Variants in SERPINA12 observed in about 807,000 individuals in gnomAD.
The protein encoded by SERPINA12 is serpin A12.
SERPINA12 carries 21 observed loss-of-function variants against 25.9 expected under a neutral mutation model. The ratio of observed to expected loss-of-function variants is 0.81; its 90% CI spans 0.58 to 1.17. The LOEUF (loss-of-function observed/expected upper bound fraction) is 1.17, where lower values mean the gene tolerates loss of function less well. Ranked by LOEUF, SERPINA12 falls within the 50% of genes most tolerant of loss-of-function variation. The pLI, the probability that SERPINA12 is intolerant of heterozygous loss-of-function variation, is 0.00. For synonymous variants in SERPINA12, 220 were observed against 196.0 expected (o/e 1.12, Z -1.02); for missense variants, 562 against 508.3 (o/e 1.11, Z -1.02).
intron 3 of SERPINA12, among the ~76,000 whole-genome samples, chr14:94,495,187 G>A (rs1207067589): frequency 6.9e-6 from 1 of 144,662 alleles, no homozygotes; most frequent in East Asian, 2.1e-4. Flanking sequence ...TCCTGCCTCA[G>A]CCTCCCAAGT....
upstream of SERPINA12, among the ~76,000 whole-genome samples, chr14:94,511,039 AAAT>A (rs1364690730): frequency 2.0e-5 from 3 of 152,294 alleles, no homozygotes; most frequent in South Asian, 6.2e-4. Flanking sequence ...AATCACCGCT[AAAT>A]AACTTAATCC....
chr14:94,495,931 T>C (rs1900397802), intron 3 of SERPINA12, among the ~76,000 whole-genome samples: 2 of 152,246 alleles, frequency 1.3e-5, no homozygotes, highest in South Asian at 2.1e-4. Flanking sequence ...TCAACTATTA[T>C]TTGTATAACT....
At chr14:94,508,477 G>C (rs1395307550) in intron 1 of SERPINA12, among the ~76,000 whole-genome samples, 2 of 152,034 alleles carry the variant, frequency 1.3e-5, no homozygotes, top group East Asian at 3.8e-4. Context: ...TCGAGAAAAG[G>C]TGAACAATTC....
intron 1 of SERPINA12, among the ~76,000 whole-genome samples, chr14:94,507,975 A>G (rs960347793): frequency 6.6e-6 from 1 of 152,232 alleles, no homozygotes; most frequent in African/African-American, 2.4e-5. Context: ...AGAGAGAGAA[A>G]GAGATTCCTG....
chr14:94,495,131 G>C (rs1056742110), intron 3 of SERPINA12, among the ~76,000 whole-genome samples: 3 of 145,100 alleles, frequency 2.1e-5, no homozygotes, highest in Non-Finnish European at 3.0e-5. Context: ...TGCAGTGGCG[G>C]GATCTCGGCT....
At chr14:94,490,320 C>G (rs147364924) in intron 3 of SERPINA12, among the ~76,000 whole-genome samples, 1 of 152,128 alleles carries the variant, frequency 6.6e-6, no homozygotes, top group East Asian at 1.9e-4. Flanking sequence ...ACAGTTGGTG[C>G]GTAGCAGGTG....
chr14:94,498,488 G>C, intron 1 of SERPINA12, 58 bp from the exon 2 acceptor site: 2 of 1,375,122 alleles, frequency 1.5e-6, no homozygotes, highest in Non-Finnish European at 1.0e-6. Context: ...TTACCCAGAG[G>C]AAGACCAGAT....
chr14:94,493,411 C>T (rs1282113873), intron 3 of SERPINA12, among the ~76,000 whole-genome samples: 1 of 152,180 alleles, frequency 6.6e-6, no homozygotes, highest in Non-Finnish European at 1.5e-5. Context: ...GTGAGAGGAA[C>T]CTTCCTTTCT....
chr14:94,487,748 G>A (rs1595681460), intron 4 of SERPINA12, among the ~76,000 whole-genome samples: 1 of 152,300 alleles, frequency 6.6e-6, no homozygotes, highest in East Asian at 1.9e-4. Context: ...GAGAGATGGA[G>A]TGGGGTTTGC....
Position 94,509,445 on chromosome 14 carries a change from A to G in SERPINA12, c.-137T>C, listed in dbSNP as rs1450929152. ...AGTCCTTTTTCGGTCCTGGTCCTGC[A>G]GCCTTCAGGTTCCAGGTATGTTCCT... On this transcript the variant is annotated 5_prime_UTR_variant, in exon 1 of 5. Transcript: ENST00000677451. Among the ~76,000 whole-genome samples the G allele has an allele frequency of 6.6e-6, 1 of 152,030 alleles. No homozygotes were observed. The highest frequency in any genetic ancestry group is 1.5e-5 in the Non-Finnish European group (1 of 67,996).
At chr14:94,494,213 C>T (rs887236979) in intron 3 of SERPINA12, among the ~76,000 whole-genome samples, 2 of 152,208 alleles carry the variant, frequency 1.3e-5, no homozygotes, top group African/African-American at 4.8e-5. Context: ...ATGTTCTACA[C>T]CCCCCAGTTC....
At chr14:94,490,704 C>T (rs1900141811) in intron 3 of SERPINA12, among the ~76,000 whole-genome samples, 1 of 152,150 alleles carries the variant, frequency 6.6e-6, no homozygotes, top group Admixed American at 6.5e-5. Context: ...CCACAATTGC[C>T]TCAGTCCACT....
chr14:94,516,956 C>T (rs930335917), intron 1 of SERPINA12, among the ~76,000 whole-genome samples: 2 of 31,914 alleles, frequency 6.3e-5, no homozygotes, highest in East Asian at 3.6e-4. Context: ...AGCTATTGCA[C>T]ACACACACAC....
chr14:94,498,638 T>A (rs1011407340), intron 1 of SERPINA12, among the ~76,000 whole-genome samples: 1 of 152,244 alleles, frequency 6.6e-6, no homozygotes, highest in African/African-American at 2.4e-5. Context: ...GGACTGAATG[T>A]AGAAGACAAC....
At chr14:94,512,160 G>A (rs933062985), upstream of SERPINA12, among the ~76,000 whole-genome samples, 12 of 152,198 alleles carry the variant, frequency 7.9e-5, no homozygotes, top group African/African-American at 2.9e-4. Flanking sequence ...TTGCACCCAC[G>A]AGAGGCAGAT....
chr14:94,493,690 T>G (rs771781607), intron 3 of SERPINA12, among the ~76,000 whole-genome samples: 68 of 152,182 alleles, frequency 4.5e-4, no homozygotes, highest in Non-Finnish European at 7.1e-4. Context: ...ACACTTGGAC[T>G]TCACAAGACG....
intron 3 of SERPINA12, among the ~76,000 whole-genome samples, chr14:94,492,318 G>T (rs184749165): frequency 2.4e-4 from 37 of 152,302 alleles, no homozygotes; most frequent in Admixed American, 1.6e-3. Flanking sequence ...CAAAGGGGGA[G>T]TGACGAAATG....
intron 1 of SERPINA12, chr14:94,500,902 A>G: frequency 1.0e-6 from 1 of 985,090 alleles, no homozygotes; most frequent in Non-Finnish European, 1.2e-6. Flanking sequence ...CGCCAGGACT[A>G]CTAAGTAGGC....
rs564338514 is a variant in SERPINA12, at chr14:94,501,693, C to G, written c.-33-3263G>C. ...CCCCCCACCCCCGCCCCAAGGGACA[C>G]AGCCCACACCCTGGCCTGGTGGGGT... On this transcript the variant is annotated intron_variant, in intron 1 of 4. Coordinates refer to ENST00000677451, the MANE Select transcript of SERPINA12 (RefSeq NM_001382267.1). Among the ~76,000 whole-genome samples, 133 of 116,610 alleles carry G rather than the reference C, an allele frequency of 1.1e-3. 2 individuals carry two copies. Among genetic ancestry groups the G allele is most frequent in the Non-Finnish European group, 9.8e-4 (54 of 55,216 alleles). The allele number at this position is 116,610 out of a possible 152,430, so 76.5% of individuals were successfully genotyped here. A position where few individuals can be genotyped will look rare whatever the true frequency, so the allele number is the denominator to read the frequency against.
Sources: gnomAD v4.1 joint callset for allele counts (sites outside exome capture counted in the v4.1 genomes callset) on GRCh38, gnomAD v4.1.1 for gene constraint, MANE v1.5 for transcripts, NCBI Gene and HGNC (gene_info 2026-07-23, HGNC 2026-07-21) for gene names.